The following LRFN5 variants were observed in gnomAD, a reference collection of about 807,000 sequenced individuals.
LRFN5 encodes the protein leucine rich repeat and fibronectin type III domain containing 5.
A neutral mutation model predicts 45.6 loss-of-function variants in LRFN5; 24 were observed. The ratio of observed to expected loss-of-function variants is 0.53; its 90% CI spans 0.38 to 0.74. LRFN5 has a LOEUF of 0.74. LRFN5 is among the 30% of genes least tolerant of loss of function. The probability of loss-of-function intolerance (pLI) is 0.00; values close to 1 mark genes in which losing one functional copy is unlikely to be tolerated. For missense variants in LRFN5, 776 were observed against 861.5 expected, an observed-to-expected ratio of 0.90 and a Z score of 1.24; for synonymous variants, 340 against 313.8, an observed-to-expected ratio of 1.08 and a Z score of -0.88.
intron 2 of LRFN5, among the ~76,000 whole-genome samples, chr14:41,781,549 GAAAAGA>G (rs1886485278): frequency 8.9e-6 from 1 of 112,908 alleles, no homozygotes; most frequent in African/African-American, 3.3e-5. Flanking sequence ...GAAGGAAGGA[GAAAAGA>G]AAGAGAAAGA....
chr14:41,697,862 T>C (rs565260826), intron 1 of LRFN5, among the ~76,000 whole-genome samples: 4 of 152,086 alleles, frequency 2.6e-5, no homozygotes, highest in South Asian at 4.1e-4. Flanking sequence ...ATCATAGATA[T>C]AGTGAGTTAT....
chr14:41,686,428 T>C (rs927368942), intron 1 of LRFN5, among the ~76,000 whole-genome samples: 9 of 152,076 alleles, frequency 5.9e-5, no homozygotes, highest in Admixed American at 2.0e-4. Context: ...AAAGCTTGAC[T>C]TCCTCTATTC....
intron 1 of LRFN5, among the ~76,000 whole-genome samples, chr14:41,752,333 T>C (rs1211624462): frequency 6.6e-6 from 1 of 152,200 alleles, no homozygotes; most frequent in Non-Finnish European, 1.5e-5. Flanking sequence ...CCCTGAGGAA[T>C]CGCCACACTG....
intron 2 of LRFN5, among the ~76,000 whole-genome samples, chr14:41,881,069 G>A (rs1004891913): frequency 6.6e-6 from 1 of 151,984 alleles, no homozygotes; most frequent in Non-Finnish European, 1.5e-5. Flanking sequence ...AAAAACCTTT[G>A]CCTTTAACTC....
At chr14:41,698,341 G>A (rs993293736) in intron 1 of LRFN5, among the ~76,000 whole-genome samples, 1 of 152,012 alleles carries the variant, frequency 6.6e-6, no homozygotes, top group Non-Finnish European at 1.5e-5. Flanking sequence ...TGAAAATTTA[G>A]GCACTGCTCC....
intron 1 of LRFN5, among the ~76,000 whole-genome samples, chr14:41,713,999 A>T (rs1883386698): frequency 6.6e-6 from 1 of 152,178 alleles, no homozygotes; most frequent in Non-Finnish European, 1.5e-5. Flanking sequence ...ATGGAGTTGT[A>T]TTTTAAAAGG....
chr14:41,675,822 C>T (rs922396184), intron 1 of LRFN5, among the ~76,000 whole-genome samples: 2 of 151,984 alleles, frequency 1.3e-5, no homozygotes, highest in African/African-American at 4.8e-5. Flanking sequence ...AATAATTTAA[C>T]CAGTGAAAAT....
intron 1 of LRFN5, among the ~76,000 whole-genome samples, chr14:41,620,543 G>T (rs1594555449): frequency 1.3e-5 from 2 of 151,984 alleles, no homozygotes; most frequent in East Asian, 3.9e-4. Flanking sequence ...TGGGAAAATT[G>T]ATCTTATAGT....
At chr14:41,669,871 T>C (rs1215611601) in intron 1 of LRFN5, among the ~76,000 whole-genome samples, 1 of 150,778 alleles carries the variant, frequency 6.6e-6, no homozygotes, top group African/African-American at 2.4e-5. Context: ...ACTCTAATAA[T>C]TGAAAAAAGG....
At chr14:41,651,280 C>T (rs962221488) in intron 1 of LRFN5, among the ~76,000 whole-genome samples, 20 of 152,130 alleles carry the variant, frequency 1.3e-4, no homozygotes, top group African/African-American at 3.9e-4. Flanking sequence ...CAAAAATGCC[C>T]GGTCACTCAG....
intron 4 of LRFN5, among the ~76,000 whole-genome samples, chr14:41,898,444 G>A (rs1223809259): frequency 1.3e-5 from 2 of 151,894 alleles, no homozygotes; most frequent in Non-Finnish European, 2.9e-5. Context: ...ATTGAATGAT[G>A]GTTAATATTT....
intron 1 of LRFN5, among the ~76,000 whole-genome samples, chr14:41,663,886 A>G (rs1297766739): frequency 1.3e-5 from 2 of 152,050 alleles, no homozygotes; most frequent in Non-Finnish European, 1.5e-5. Flanking sequence ...TTTAAATGAA[A>G]AACCTCTCAT....
In LRFN5 at chr14:41,891,305, A is replaced by G. The variant is rs757831909; in HGVS notation, c.1441A>G (p.Met481Val). Residue 481 changes from methionine (M) to valine (V), a missense_variant, in exon 4 of 6, where the codon ATG (methionine) becomes GTG (valine). Transcript: ENST00000298119. The part of the protein sequence containing the change: ...FLVNNLAAGT[M>V]YDLCVLAIYD... ...GGTCAATAATCTGGCTGCTGGAACT[A>G]TGTATGACTTGTGTGTCTTGGCCAT... 3 of 1,614,092 alleles carry G rather than the reference A, an allele frequency of 1.9e-6. No individual in the cohort carries two copies. The highest frequency in any genetic ancestry group is 2.5e-6 in the Non-Finnish European group (3 of 1,180,012).
At chr14:41,752,474 A>G (rs867865298) in intron 1 of LRFN5, among the ~76,000 whole-genome samples, 15 of 151,978 alleles carry the variant, frequency 9.9e-5, no homozygotes, top group African/African-American at 2.4e-4. Flanking sequence ...GTGTGAGATG[A>G]TATCTCATTG....
rs139256891 is a variant in LRFN5 at position 41,766,130 on chromosome 14, G to A, written c.-196-724G>A. On this transcript the variant is annotated intron_variant, in intron 1 of 5. Transcript: ENST00000298119. ...CAATGCTTTTATTAATTTCAAGAAC[G>A]TTTTAAAAATTCAGCCTATTTCTGC... Among the ~76,000 whole-genome samples the A allele has an allele frequency of 9.7e-3, 1,473 of 152,104 alleles. 10 individuals carry two copies. The highest frequency in any genetic ancestry group is 0.014 in the Non-Finnish European group (941 of 67,958).
chr14:41,838,306 G>A (rs1888734735), intron 2 of LRFN5, among the ~76,000 whole-genome samples: 1 of 152,002 alleles, frequency 6.6e-6, no homozygotes, highest in African/African-American at 2.4e-5. Context: ...TATGATTATG[G>A]CATAGGCAAT....
At chr14:41,638,243 G>A (rs926439807) in intron 1 of LRFN5, among the ~76,000 whole-genome samples, 5 of 151,944 alleles carry the variant, frequency 3.3e-5, no homozygotes, top group African/African-American at 1.2e-4. Flanking sequence ...ATATTTTCAT[G>A]TCACACTAGA....
chr14:41,832,535 G>C (rs1445358648), intron 2 of LRFN5, among the ~76,000 whole-genome samples: 1 of 152,124 alleles, frequency 6.6e-6, no homozygotes, highest in Non-Finnish European at 1.5e-5. Context: ...TTGCAGTAAT[G>C]AGAAGCAAAA....
chr14:41,750,305 T>G (rs1403165286), intron 1 of LRFN5, among the ~76,000 whole-genome samples: 1 of 147,990 alleles, frequency 6.8e-6, no homozygotes, highest in Non-Finnish European at 1.5e-5. Context: ...ATAAGATTTT[T>G]TATATGTATA....
Sources: allele counts gnomAD v4.1 joint callset (sites outside exome capture counted in the v4.1 genomes callset), GRCh38; gene constraint gnomAD v4.1.1; transcripts MANE v1.5; gene names NCBI Gene and HGNC (gene_info 2026-07-23, HGNC 2026-07-21).